Variants in RIN2 observed in about 807,000 individuals in gnomAD.
RIN2 encodes RAB5 interacting protein 2.
Under a neutral mutation model 78.0 loss-of-function variants are expected in RIN2, and 36 were observed. The observed-to-expected ratio is 0.46, with a 90% CI of 0.35 to 0.61. The LOEUF (loss-of-function observed/expected upper bound fraction) is 0.61. RIN2 is among the 20% of genes least tolerant of loss of function. The pLI is 0.00. For synonymous variants in RIN2, 466 were observed against 466.8 expected (o/e 1.00, Z 0.02); for missense variants, 1,087 against 1,159.7 (o/e 0.94, Z 0.91).
intron 2 of RIN2, among the ~76,000 whole-genome samples, chr20:19,863,484 A>G (rs1009802225): frequency 5.3e-5 from 8 of 152,152 alleles, no homozygotes; most frequent in African/African-American, 1.7e-4. Context: ...AGTCAGCTGT[A>G]TCAGTACCCC....
intron 3 of RIN2, among the ~76,000 whole-genome samples, chr20:19,892,051 C>CAGGTGAG (rs1330065895): frequency 6.6e-6 from 1 of 152,104 alleles, no homozygotes; most frequent in African/African-American, 2.4e-5. Flanking sequence ...AAGAACCAAT[C>CAGGTGAG]AGGTGAGAGG....
chr20:19,855,877 C>T lies in RIN2; in HGVS notation c.-36-33689C>T, dbSNP rs139666194. 6.6e-5 allele frequency among the ~76,000 whole-genome samples: 10 copies of T among 152,250 alleles called. No homozygotes were observed. In the East Asian group the frequency reaches 1.4e-3, roughly 21 times the overall value. ...GATCACAAGGTCAGGAGTTCGAGAC[C>T]AGCCTGGCCAACATGGTGAAACCCT... On this transcript the variant is annotated intron_variant, in intron 2 of 12. Transcript: ENST00000255006.
chr20:19,860,065 G>A (rs1455012654), intron 2 of RIN2, among the ~76,000 whole-genome samples: 3 of 152,192 alleles, frequency 2.0e-5, no homozygotes, highest in Non-Finnish European at 4.4e-5. Context: ...ATCCCAAGGT[G>A]CAAAGGAGCT....
intron 3 of RIN2, among the ~76,000 whole-genome samples, chr20:19,928,114 G>C (rs1772694163): frequency 6.6e-6 from 1 of 152,186 alleles, no homozygotes; most frequent in Non-Finnish European, 1.5e-5. Flanking sequence ...TGTTGGCCAG[G>C]CTGGTTTCGA....
At chr20:19,906,384 G>A (rs1214582472) in intron 3 of RIN2, among the ~76,000 whole-genome samples, 1 of 152,198 alleles carries the variant, frequency 6.6e-6, no homozygotes, top group Non-Finnish European at 1.5e-5. Context: ...AGGAGGTTGA[G>A]GCTGTAGTGA....
At chr20:19,926,196 T>C (rs1331540210) in intron 3 of RIN2, among the ~76,000 whole-genome samples, 1 of 152,204 alleles carries the variant, frequency 6.6e-6, no homozygotes, top group Non-Finnish European at 1.5e-5. Flanking sequence ...AAGGAGATTA[T>C]GGGTGATGGT....
Position 20,000,836 on chromosome 20 carries a change from G to A in RIN2, c.2588G>A (p.Arg863Gln), listed in dbSNP as rs550378353. ...AAAATCAAGGCGGAGCTGCACAGCC[G>A]ACCACAGCCCCACATCTTCCACTTT... The part of the protein sequence containing the change: ...PQKIKAELHS[R>Q]PQPHIFHFVY... Residue 863 changes from arginine to glutamine, a missense_variant, in exon 13 of 13, where the codon CGA (arginine) becomes CAA (glutamine). Arg to Gln is a conservative substitution (Grantham distance 43). This residue lies in a region of RIN2 where 160 missense variants were observed against 179.4 expected (regional missense o/e 0.89). Transcript: ENST00000255006. The A allele has an allele frequency of 5.0e-6, 8 of 1,613,920 alleles. No individual in the cohort carries two copies. Among genetic ancestry groups the A allele is most frequent in the South Asian group, 3.3e-5 (3 of 91,062 alleles).
At chr20:19,758,728 T>C (rs1170338751) in intron 1 of RIN2, among the ~76,000 whole-genome samples, 1 of 152,044 alleles carries the variant, frequency 6.6e-6, no homozygotes, top group Non-Finnish European at 1.5e-5. Context: ...GTAGGGACCT[T>C]TGAGGAGTTC....
intron 2 of RIN2, among the ~76,000 whole-genome samples, chr20:19,826,792 T>G (rs1600548828): frequency 6.6e-6 from 1 of 152,182 alleles, no homozygotes; most frequent in South Asian, 2.1e-4. Context: ...GTGGCTCCTG[T>G]GTGCAGGCAT....
At chr20:19,773,722 C>G (rs1004745216) in intron 1 of RIN2, among the ~76,000 whole-genome samples, 1 of 151,934 alleles carries the variant, frequency 6.6e-6, no homozygotes, top group Admixed American at 6.6e-5. Context: ...GCTTAATGAA[C>G]GGCAGCTTCT....
At chr20:19,904,677 T>C (rs1600749523) in intron 3 of RIN2, among the ~76,000 whole-genome samples, 1 of 152,334 alleles carries the variant, frequency 6.6e-6, no homozygotes, top group South Asian at 2.1e-4. Flanking sequence ...AGGATGCCAG[T>C]CATGCCAGCC....
chr20:19,780,515 G>A (rs1343913806), intron 1 of RIN2, among the ~76,000 whole-genome samples: 1 of 152,072 alleles, frequency 6.6e-6, no homozygotes, highest in Non-Finnish European at 1.5e-5. Flanking sequence ...TCTTAAAGTA[G>A]AGCAAGCCAA....
At chr20:19,824,201 C>G (rs149957955) in intron 2 of RIN2, among the ~76,000 whole-genome samples, 5 of 152,190 alleles carry the variant, frequency 3.3e-5, no homozygotes, top group African/African-American at 1.2e-4. Flanking sequence ...AACAAGCCTA[C>G]GGCAGAGAAG....
chr20:19,981,464 G>C (rs1221713257), intron 9 of RIN2, among the ~76,000 whole-genome samples: 1 of 152,214 alleles, frequency 6.6e-6, no homozygotes, highest in Non-Finnish European at 1.5e-5. Context: ...TCAAGGGATG[G>C]AGTAGAATTA....
At chr20:19,788,456 G>T (rs963568806) in intron 1 of RIN2, among the ~76,000 whole-genome samples, 1 of 73,178 alleles carries the variant, frequency 1.4e-5, no homozygotes, top group African/African-American at 1.4e-4. Flanking sequence ...AAAACAACTA[G>T]CTAGGCATGG....
intron 4 of RIN2, among the ~76,000 whole-genome samples, chr20:19,942,084 T>C (rs1221364397): frequency 5.6e-5 from 8 of 142,740 alleles, no homozygotes; most frequent in Non-Finnish European, 8.9e-5. Flanking sequence ...CACTCCAGCA[T>C]GGGTGACAGA....
chr20:19,869,633 T>C (rs1328746120), intron 2 of RIN2, among the ~76,000 whole-genome samples: 1 of 150,998 alleles, frequency 6.6e-6, no homozygotes, highest in Non-Finnish European at 1.5e-5. Flanking sequence ...CTTGGGTTTT[T>C]TTTTTTTTGA....
rs758116212 is a variant in RIN2 at position 19,970,814 on chromosome 20, TTCTC to T, written c.537-20_537-17del. 6.5e-7 allele frequency: 1 copy of T among 1,549,062 alleles called. No homozygotes were observed. On this transcript the variant is annotated intron_variant, in intron 7 of 12. Coordinates refer to ENST00000255006, the MANE Select transcript of RIN2 (RefSeq NM_018993.4). ...GAAAGCAGACATGTAATTACAAACA[TTCTC>T]TCTTTTTCTGAACAATCAGGGATGT...
intron 3 of RIN2, among the ~76,000 whole-genome samples, chr20:19,890,367 G>T (rs545070591): frequency 1.0e-3 from 159 of 151,970 alleles, no homozygotes; most frequent in African/African-American, 3.6e-3. Context: ...GTGGCTTTTT[G>T]CTTTGTTTCC....
Sources: allele counts gnomAD v4.1 joint callset (sites outside exome capture counted in the v4.1 genomes callset), GRCh38; gene constraint gnomAD v4.1.1; regional missense constraint gnomAD v4.1.1; transcripts MANE v1.5; gene names NCBI Gene and HGNC (gene_info 2026-07-23, HGNC 2026-07-21).